The following PLXNA4 variants were observed in gnomAD, a reference collection of about 807,000 sequenced individuals.
PLXNA4 encodes the protein plexin-A4.
PLXNA4 carries 44 observed loss-of-function variants against 191.8 expected under a neutral mutation model. That is an observed-to-expected ratio of 0.23 (90% CI 0.18 to 0.29). The LOEUF is 0.29. PLXNA4 is among the 10% of genes least tolerant of loss of function. PLXNA4 has a pLI of 1.00. For missense variants in PLXNA4, 1,800 were observed against 2,488.8 expected, an observed-to-expected ratio of 0.72 and a Z score of 5.89; for synonymous variants, 1,082 against 1,009.5, an observed-to-expected ratio of 1.07 and a Z score of -1.36.
chr7:132,194,803 ACAGT>A (rs1462469841), intron 13 of PLXNA4, among the ~76,000 whole-genome samples: 1 of 152,160 alleles, frequency 6.6e-6, no homozygotes, highest in East Asian at 1.9e-4. Context: ...AAATAATCAA[ACAGT>A]CAAACAGTAC....
intron 2 of PLXNA4, among the ~76,000 whole-genome samples, chr7:132,602,986 GC>G (rs1248012633): frequency 6.6e-6 from 1 of 152,166 alleles, no homozygotes. Context: ...CATTAAGTAT[GC>G]CCTATCAACC....
At position 132,335,549 on chromosome 7, in the gene PLXNA4, C is replaced by T. The variant is rs541164881; in HGVS notation, c.1372-37327G>A. Among the ~76,000 whole-genome samples the T allele has an allele frequency of 7.2e-5, 11 of 152,310 alleles. No individual in the cohort carries two copies. In the South Asian group the frequency reaches 1.0e-3, roughly 14 times the overall value. ...GGCCAAAATAGAACACCCCCACCCC[C>T]GGCACCGGCCTTTTTAGCTTTAAAG... On this transcript the variant is annotated intron_variant, in intron 3 of 31. Coordinates refer to ENST00000321063, the MANE Select transcript of PLXNA4 (RefSeq NM_020911.2).
At chr7:132,646,943 A>G (rs1192833085) in intron 1 of PLXNA4, among the ~76,000 whole-genome samples, 1 of 152,074 alleles carries the variant, frequency 6.6e-6, no homozygotes, top group East Asian at 1.9e-4. Context: ...TCACACACAT[A>G]TACAAACACA....
chr7:132,175,032 A>G, intron 20 of PLXNA4, 112 bp from the exon 21 acceptor site: 11 of 1,484,108 alleles, frequency 7.4e-6, no homozygotes, highest in Admixed American at 2.1e-5. Context: ...TGAGCAATGG[A>G]CCACGATGGG....
At chr7:132,227,805 A>T (rs948889026) in intron 6 of PLXNA4, among the ~76,000 whole-genome samples, 1 of 152,192 alleles carries the variant, frequency 6.6e-6, no homozygotes, top group South Asian at 2.1e-4. Flanking sequence ...AGAGACAGAG[A>T]CAAAAGAAAC....
intron 10 of PLXNA4, among the ~76,000 whole-genome samples, chr7:132,206,559 CTT>C (rs953903130): frequency 7.2e-5 from 11 of 152,234 alleles, no homozygotes; most frequent in African/African-American, 2.6e-4. Flanking sequence ...ATTTCTTTCT[CTT>C]TCTCTCCCCC....
intron 1 of PLXNA4, among the ~76,000 whole-genome samples, chr7:132,563,188 C>A (rs1409820302): frequency 3.4e-5 from 1 of 29,356 alleles, no homozygotes; most frequent in Non-Finnish European, 1.0e-4. Context: ...CTTCTCCTTC[C>A]TCCTCCTCCT....
intron 4 of PLXNA4, among the ~76,000 whole-genome samples, chr7:132,269,653 CA>C (rs1018453853): frequency 6.6e-6 from 1 of 150,898 alleles, no homozygotes; most frequent in African/African-American, 2.4e-5. Context: ...TTTTTTCTGC[CA>C]AAAAAAGATC....
chr7:132,137,336 C>T (rs750970607), intron 30 of PLXNA4, among the ~76,000 whole-genome samples: 3 of 152,234 alleles, frequency 2.0e-5, no homozygotes, highest in African/African-American at 4.8e-5. Context: ...TAAAAGCTGA[C>T]TGATGGCAAG....
intron 18 of PLXNA4, among the ~76,000 whole-genome samples, 185 bp downstream of exon 18, chr7:132,181,196 C>T (rs1303446526): frequency 1.3e-5 from 2 of 152,154 alleles, no homozygotes; most frequent in Non-Finnish European, 2.9e-5. Context: ...GTAGAACCGG[C>T]CCCTAAAGAG....
chr7:132,548,765 CT>C (rs1368034121), intron 1 of PLXNA4, among the ~76,000 whole-genome samples: 1 of 152,154 alleles, frequency 6.6e-6, no homozygotes, highest in East Asian at 1.9e-4. Flanking sequence ...GTTAGGCATT[CT>C]TAGTCACAGG....
chr7:132,424,494 C>T (rs1794967415), intron 3 of PLXNA4, among the ~76,000 whole-genome samples: 1 of 152,108 alleles, frequency 6.6e-6, no homozygotes, highest in African/African-American at 2.4e-5. Context: ...TTGGTGGAAC[C>T]CCCACCCTTC....
intron 3 of PLXNA4, among the ~76,000 whole-genome samples, chr7:132,452,477 C>A (rs768326543): frequency 6.6e-6 from 1 of 152,182 alleles, no homozygotes; most frequent in Admixed American, 6.5e-5. Flanking sequence ...GTGGCCATGA[C>A]GTCTTGGGAA....
At chr7:132,577,541 G>C (rs2116805201), upstream of PLXNA4, among the ~76,000 whole-genome samples, 1 of 152,064 alleles carries the variant, frequency 6.6e-6, no homozygotes, top group Admixed American at 6.5e-5. Context: ...GGGGGCAGGG[G>C]GCGCCTCCCT....
At chr7:132,278,533 G>A (rs1800361122) in intron 4 of PLXNA4, among the ~76,000 whole-genome samples, 2 of 152,144 alleles carry the variant, frequency 1.3e-5, no homozygotes, top group South Asian at 2.1e-4. Flanking sequence ...AAAAGCCTTC[G>A]TGTCATCAGT....
chr7:132,518,244 G>A (rs1355693064), intron 1 of PLXNA4, among the ~76,000 whole-genome samples: 2 of 152,156 alleles, frequency 1.3e-5, no homozygotes, highest in African/African-American at 2.4e-5. Context: ...TTCATCAAAG[G>A]AAAGAGCCAG....
chr7:132,640,400 A>T (rs1004946842), intron 2 of PLXNA4, among the ~76,000 whole-genome samples: 1 of 152,244 alleles, frequency 6.6e-6, no homozygotes, highest in Non-Finnish European at 1.5e-5. Flanking sequence ...CCTAAGCCCA[A>T]TGTGACTGTA....
chr7:132,540,257 G>A (rs941690550), intron 1 of PLXNA4, among the ~76,000 whole-genome samples: 1 of 152,194 alleles, frequency 6.6e-6, no homozygotes, highest in African/African-American at 2.4e-5. Flanking sequence ...AATTGCTGTG[G>A]AGGGCTGGAC....
chr7:132,569,352 T>C (rs1011098669), intron 1 of PLXNA4, among the ~76,000 whole-genome samples: 34 of 152,222 alleles, frequency 2.2e-4, no homozygotes, highest in Non-Finnish European at 3.4e-4. Context: ...AATAAAGTCA[T>C]AACACATAGC....
Sources: allele counts gnomAD v4.1 joint callset (sites outside exome capture counted in the v4.1 genomes callset), GRCh38; gene constraint gnomAD v4.1.1; transcripts MANE v1.5; gene names NCBI Gene and HGNC (gene_info 2026-07-23, HGNC 2026-07-21).